Variants in BLMH observed in about 807,000 individuals in gnomAD.
BLMH encodes bleomycin hydrolase.
BLMH carries 32 observed loss-of-function variants against 61.6 expected under a neutral mutation model. The ratio of observed to expected loss-of-function variants is 0.52; its 90% confidence interval spans 0.39 to 0.70. The LOEUF (loss-of-function observed/expected upper bound fraction) is 0.70. Ranked by LOEUF, BLMH falls within the 30% of genes least tolerant of loss-of-function variation. The pLI is 0.00. For synonymous variants in BLMH, 183 were observed against 193.8 expected (o/e 0.94, Z 0.46); for missense variants, 460 against 555.5 (o/e 0.83, Z 1.73).
chr17:30,266,788 A>T, intron 11 of BLMH, 97 bp downstream of exon 11: 1 of 1,104,004 alleles, frequency 9.1e-7, no homozygotes, highest in Non-Finnish European at 1.4e-6. Context: ...GGAGCCAATT[A>T]CTGAGAAATC....
At chr17:30,251,086 T>A (rs777752651) in intron 11 of BLMH, among the ~76,000 whole-genome samples, 1 of 152,068 alleles carries the variant, frequency 6.6e-6, no homozygotes, top group Non-Finnish European at 1.5e-5. Context: ...GCACTCAGGA[T>A]GGAAGAGTGG....
intron 11 of BLMH, among the ~76,000 whole-genome samples, chr17:30,255,641 G>A (rs963790276): frequency 7.9e-5 from 12 of 152,208 alleles, no homozygotes; most frequent in African/African-American, 2.9e-4. Context: ...GCTCATGCCT[G>A]TAATCCCAGC....
In BLMH at chr17:30,291,550, G is replaced by A. The variant is rs772940124; in HGVS notation, c.14-42C>T. ...CAGGATTTTAACGCAAAAAGAGGGG[G>A]AAAGGGCTGATCTGGGGCTCCCGCG... On this transcript the variant is annotated intron_variant, in intron 1 of 11. Transcript: ENST00000261714. 1.2e-5 allele frequency: 20 copies of A among 1,604,258 alleles called. No individual in the cohort carries two copies. The East Asian group carries it at 1.6e-4, about 13-fold the overall frequency.
At chr17:30,268,414 T>C (rs1037834151) in intron 10 of BLMH, among the ~76,000 whole-genome samples, 2 of 152,196 alleles carry the variant, frequency 1.3e-5, no homozygotes, top group Admixed American at 1.3e-4. Context: ...TTTACCTCTG[T>C]ACTATTACTC....
At chr17:30,253,483 G>A (rs1907725879) in intron 11 of BLMH, among the ~76,000 whole-genome samples, 3 of 152,146 alleles carry the variant, frequency 2.0e-5, no homozygotes, top group Admixed American at 2.0e-4. Flanking sequence ...TAATGAACTT[G>A]TGGCTGCCGT....
chr17:30,284,182 A>C (rs1908665715), intron 6 of BLMH, among the ~76,000 whole-genome samples: 1 of 152,234 alleles, frequency 6.6e-6, no homozygotes, highest in Admixed American at 6.5e-5. Flanking sequence ...GATTATTTAA[A>C]TGCATTTGGT....
chr17:30,271,073 CATAGAAAGTT>C, intron 10 of BLMH, among the ~76,000 whole-genome samples, 188 bp downstream of exon 10: 1 of 152,208 alleles, frequency 6.6e-6, no homozygotes. Context: ...AAATTCTCCT[CATAGAAAGTT>C]CCTATTTTTA....
At position 30,285,449 on chromosome 17, in the gene BLMH, A is replaced by T; in HGVS notation, c.584T>A (p.Leu195Gln). ...TCCTTTGGTTGCTCCACTGTGTACC[A>T]GGTTCCGCAGTCGTATACAGAATTC... ...MREFCIRLRN[L>Q]VHSGATKGEI... The change falls in exon 6 of 12, where the codon CTG becomes CAG. Residue 195 changes from leucine to glutamine, a missense_variant. By Grantham distance (113) the Leu-to-Gln change is moderately radical. This residue lies in a region of BLMH where 310 missense variants were observed against 371.1 expected (regional missense o/e 0.84). Coordinates refer to ENST00000261714, the MANE Select transcript of BLMH (RefSeq NM_000386.4). 1 of 1,612,912 alleles carries T rather than the reference A, an allele frequency of 6.2e-7. No homozygotes were observed. The highest frequency in any genetic ancestry group is 8.5e-7 in the Non-Finnish European group (1 of 1,179,396).
chr17:30,289,233 G>C (rs1908815643), intron 3 of BLMH, 140 bp downstream of exon 3: 1 of 436,002 alleles, frequency 2.3e-6, no homozygotes, highest in Non-Finnish European at 3.9e-6. Context: ...GTCAACTTTT[G>C]ATACTCTGGA....
chr17:30,280,152 C>G (rs1349678363), intron 6 of BLMH, among the ~76,000 whole-genome samples: 1 of 152,186 alleles, frequency 6.6e-6, no homozygotes, highest in East Asian at 1.9e-4. Context: ...AAGATAACAA[C>G]CAAACTGCTT....
At chr17:30,272,410 C>T in intron 9 of BLMH, 151 bp downstream of exon 9, 2 of 811,026 alleles carry the variant, frequency 2.5e-6, no homozygotes, top group Non-Finnish European at 4.1e-6. Flanking sequence ...TGCTATGAGT[C>T]CTCAAACTCT....
chr17:30,269,151 T>C (rs116094469), intron 10 of BLMH, among the ~76,000 whole-genome samples: 26 of 151,192 alleles, frequency 1.7e-4, no homozygotes, highest in African/African-American at 5.8e-4. Flanking sequence ...TTGAAAAACC[T>C]TTTCATGTAT....
In BLMH at chr17:30,253,949, CAG is replaced by C. The variant is rs566002145; in HGVS notation, c.1217-4783_1217-4782del. ...TAGGGTCAGTCTGTAAAGGGAAAAA[CAG>C]TGTCTGTGAATATAGCTGTAGACAG... On this transcript the variant is annotated intron_variant, in intron 11 of 11. Transcript: ENST00000261714. Among the ~76,000 whole-genome samples, 9 of 152,230 alleles carry C rather than the reference CAG, an allele frequency of 5.9e-5. No individual in the cohort carries two copies. In the South Asian group the frequency reaches 1.7e-3, roughly 28 times the overall value.
At chr17:30,264,933 A>G (rs1597659787) in intron 11 of BLMH, among the ~76,000 whole-genome samples, 1 of 152,358 alleles carries the variant, frequency 6.6e-6, no homozygotes, top group East Asian at 1.9e-4. Context: ...AACTTTGCTG[A>G]GGTTTAAACC....
rs1457861836 is a variant in BLMH at position 30,291,400 on chromosome 17, A to G, written c.122T>C (p.Leu41Pro). Reference sequence around the variant, plus strand: ...CGCGCGCTGCACCGTGGCCCGCTTCAGACAGATGTCCAGCAGGTCGTGGGT... The same window carrying G: ...CGCGCGCTGCACCGTGGCCCGCTTCGGACAGATGTCCAGCAGGTCGTGGGT... ...GTTHDLLDIC[L>P]KRATVQRAQH... is the part of the protein sequence containing the mutation. The change falls in exon 2 of 12, where the codon CTG (leucine) becomes CCG (proline). Residue 41 changes from leucine to proline, a missense_variant. Coordinates refer to ENST00000261714, the MANE Select transcript of BLMH (RefSeq NM_000386.4). 4 of 1,613,976 alleles carry G rather than the reference A, an allele frequency of 2.5e-6. No homozygotes were observed. The highest frequency in any genetic ancestry group is 3.4e-6 in the Non-Finnish European group (4 of 1,180,028).
intron 6 of BLMH, among the ~76,000 whole-genome samples, chr17:30,275,644 C>A (rs1227605305): frequency 6.6e-6 from 1 of 152,022 alleles, no homozygotes; most frequent in Non-Finnish European, 1.5e-5. Context: ...CGAGATCATG[C>A]CATTGCACTC....
At chr17:30,281,534 T>G (rs1476579362) in intron 6 of BLMH, among the ~76,000 whole-genome samples, 1 of 152,210 alleles carries the variant, frequency 6.6e-6, no homozygotes, top group African/African-American at 2.4e-5. Flanking sequence ...ACTGCCCTAA[T>G]TGCCAAAAAG....
chr17:30,289,574 T>G, intron 2 of BLMH, 92 bp from the exon 3 acceptor site: 1 of 707,474 alleles, frequency 1.4e-6, no homozygotes, highest in African/African-American at 1.8e-5. Context: ...CATGACACGA[T>G]CTGGACAATT....
rs1908355293 is a variant in BLMH, at chr17:30,274,177, G to C, written c.666C>G (p.Ile222Met). 6.2e-7 allele frequency: 1 copy of C among 1,614,084 alleles called. No homozygotes were observed. The highest frequency in any genetic ancestry group is 8.5e-7 in the Non-Finnish European group (1 of 1,179,996). ...MMEEIFRVVC[I>M]CLGNPPETFT... Reference sequence around the variant, plus strand: ...ATGTCTCTGGTGGATTACCCAAACAGATGCACACCACTCGGAATATCTGGA... The same window carrying C: ...ATGTCTCTGGTGGATTACCCAAACACATGCACACCACTCGGAATATCTGGA... The change falls in exon 7 of 12, where the codon ATC becomes ATG. Residue 222 changes from isoleucine (I) to methionine (M), a missense_variant. By Grantham distance (10) the Ile-to-Met change is conservative. Coordinates refer to ENST00000261714, the MANE Select transcript of BLMH (RefSeq NM_000386.4).
Sources: gnomAD v4.1 joint callset for allele counts (sites outside exome capture counted in the v4.1 genomes callset) on GRCh38, gnomAD v4.1.1 for gene constraint, gnomAD v4.1.1 regional missense constraint, MANE v1.5 for transcripts, NCBI Gene and HGNC (gene_info 2026-07-23, HGNC 2026-07-21) for gene names.